The following NTN4 variants were observed in gnomAD, a reference collection of about 807,000 sequenced individuals.
The protein encoded by NTN4 is netrin-4.
In NTN4, 32 loss-of-function variants were observed where a neutral mutation model predicts 73.6. The ratio of observed to expected loss-of-function variants is 0.44; its 90% CI spans 0.33 to 0.58. NTN4 has a LOEUF of 0.58. Among genes scored for constraint, NTN4 ranks in the 20% least tolerant of loss-of-function variants. The pLI, the probability that NTN4 is intolerant of heterozygous loss-of-function variation, is 0.04. For synonymous variants in NTN4, 258 were observed against 287.5 expected (o/e 0.90, Z 1.04); for missense variants, 654 against 798.3 (o/e 0.82, Z 2.18).
intron 2 of NTN4, among the ~76,000 whole-genome samples, chr12:95,741,684 AAG>A (rs1445809160): frequency 6.7e-6 from 1 of 149,202 alleles, no homozygotes; most frequent in Non-Finnish European, 1.5e-5. Context: ...ATAGCACAGT[AAG>A]AGATTAACAA....
At position 95,754,799 on chromosome 12, in the gene NTN4, G is replaced by A. The variant is rs370044467; in HGVS notation, c.586-16655C>T. 9.1e-4 allele frequency among the ~76,000 whole-genome samples: 138 copies of A among 151,846 alleles called. No homozygotes were observed. In the South Asian group the frequency reaches 0.013, roughly 15 times the overall value. ...ATCTCCCTTCACTGACTCTCTTTTCGGACTCAGCCCGCCTGCACCCAGGTG... is the reference window on the plus strand; with the variant it reads ...ATCTCCCTTCACTGACTCTCTTTTCAGACTCAGCCCGCCTGCACCCAGGTG... On this transcript the variant is annotated intron_variant, in intron 2 of 9. Coordinates refer to ENST00000343702, the MANE Select transcript of NTN4 (RefSeq NM_021229.4).
intron 2 of NTN4, among the ~76,000 whole-genome samples, chr12:95,751,140 G>A (rs1032908017): frequency 1.1e-4 from 16 of 151,944 alleles, no homozygotes; most frequent in Non-Finnish European, 2.1e-4. Flanking sequence ...ATCTGCTCCC[G>A]ACATTAAATA....
rs555150387 is a variant in NTN4 at position 95,685,042 on chromosome 12, G to C, written c.1181-1331C>G. ...ACGCCACTACGCCCAGCTAATTTTT[G>C]TATTTTTTATAGAGATGGGGTTTCA... is the stretch of plus-strand genomic sequence containing the variant. On this transcript the variant is annotated intron_variant, in intron 5 of 9. Coordinates refer to ENST00000343702, the MANE Select transcript of NTN4 (RefSeq NM_021229.4). 4.6e-4 allele frequency among the ~76,000 whole-genome samples: 70 copies of C among 152,094 alleles called. 1 individual carries two copies. The highest frequency in any genetic ancestry group is 7.8e-4 in the Non-Finnish European group (53 of 67,964).
At chr12:95,729,624 AGAGAGAGAGTGTGT>A (rs1379739665) in intron 3 of NTN4, among the ~76,000 whole-genome samples, 2 of 117,934 alleles carry the variant, frequency 1.7e-5, no homozygotes, top group African/African-American at 3.7e-5. Flanking sequence ...AGAGAGAGAG[AGAGAGAGAGTGTGT>A]GTGTGTGTGT....
intron 2 of NTN4, among the ~76,000 whole-genome samples, chr12:95,770,869 A>G (rs1319337133): frequency 6.6e-6 from 1 of 152,188 alleles, no homozygotes; most frequent in Non-Finnish European, 1.5e-5. Flanking sequence ...GCCTGGGAAG[A>G]CTTCTGCTCC....
chr12:95,789,488 A>G lies in NTN4; in HGVS notation c.55+767T>C, dbSNP rs1478340457. The stretch of plus-strand genomic sequence containing the variant: ...AGAGGAGCAGAAGGGGCTCCCGAAT[A>G]CAGAAACCACGAGCCAGGAGCCGGT... On this transcript the variant is annotated intron_variant, in intron 1 of 9. Transcript: ENST00000343702. This position sits in a 1 kb window ranked among gnomAD's most constrained non-coding sequence, Gnocchi z 4.0. 1.3e-5 allele frequency among the ~76,000 whole-genome samples: 2 copies of G among 152,146 alleles called. No individual in the cohort carries two copies.
rs1485636802 is a variant in NTN4 at position 95,724,013 on chromosome 12, G to T, written c.865-10675C>A. 3.3e-5 allele frequency among the ~76,000 whole-genome samples: 5 copies of T among 151,428 alleles called. No individual in the cohort carries two copies. The East Asian group carries it at 9.7e-4, about 29-fold the overall frequency. ...CACTACCATTTCTTACCCTTCACAT[G>T]TTACCTAGAGTTTTTTTTTTAAATC... On this transcript the variant is annotated intron_variant, in intron 3 of 9. Transcript: ENST00000343702.
chr12:95,682,247 T>G (rs2078323111), intron 7 of NTN4, among the ~76,000 whole-genome samples: 2 of 151,696 alleles, frequency 1.3e-5, no homozygotes, highest in Non-Finnish European at 2.9e-5. Context: ...TAGAGATAAC[T>G]CTTGCTATGT....
intron 2 of NTN4, among the ~76,000 whole-genome samples, chr12:95,759,051 G>A (rs1053999957): frequency 1.3e-5 from 2 of 152,178 alleles, no homozygotes; most frequent in African/African-American, 4.8e-5. Context: ...GTTGAACTAA[G>A]TGTTGAGGTT....
chr12:95,701,702 G>A (rs1243313886), intron 5 of NTN4, among the ~76,000 whole-genome samples: 1 of 152,136 alleles, frequency 6.6e-6, no homozygotes, highest in Non-Finnish European at 1.5e-5. Flanking sequence ...AAGTAAAAAT[G>A]TACACATAAA....
chr12:95,770,236 A>T (rs11108252), intron 2 of NTN4, among the ~76,000 whole-genome samples: 65,436 of 151,952 alleles, frequency 0.43, 14,474 homozygotes, highest in Non-Finnish European at 0.48. Flanking sequence ...ATGTAGGGGC[A>T]GCCAATCACC....
intron 9 of NTN4, among the ~76,000 whole-genome samples, chr12:95,662,234 T>C (rs1330288043): frequency 2.3e-5 from 1 of 42,816 alleles, no homozygotes; most frequent in Non-Finnish European, 4.1e-5. Context: ...CCTTTTTCTT[T>C]CTTTTTTTTT....
chr12:95,731,097 T>G (rs1592690922), intron 3 of NTN4, among the ~76,000 whole-genome samples: 1 of 152,248 alleles, frequency 6.6e-6, no homozygotes, highest in East Asian at 1.9e-4. Context: ...TTTCTCTTTT[T>G]CTTCCCTTTG....
intron 3 of NTN4, among the ~76,000 whole-genome samples, chr12:95,721,431 T>C (rs377267204): frequency 6.6e-6 from 1 of 152,234 alleles, no homozygotes. Flanking sequence ...ACTGGTTCTA[T>C]GTAAAACCTT....
At chr12:95,754,705 C>A (rs1399281874) in intron 2 of NTN4, among the ~76,000 whole-genome samples, 6 of 152,110 alleles carry the variant, frequency 3.9e-5, no homozygotes, top group Admixed American at 2.0e-4. Flanking sequence ...CCCCTGCCCA[C>A]CAGAGAACAA....
intron 3 of NTN4, among the ~76,000 whole-genome samples, chr12:95,736,622 A>G (rs1240764121): frequency 6.6e-6 from 1 of 152,210 alleles, no homozygotes; most frequent in Non-Finnish European, 1.5e-5. Context: ...ACACTAAATC[A>G]TAGCACCCTT....
rs1222779866 is a variant in NTN4 at position 95,709,520 on chromosome 12, TTCTC to T, written c.1180+917_1180+920del. Among the ~76,000 whole-genome samples, 355 of 148,512 alleles carry T rather than the reference TTCTC, an allele frequency of 2.4e-3. 2 individuals are homozygous for T. Among genetic ancestry groups the T allele is most frequent in the African/African-American group, 6.7e-3 (271 of 40,410 alleles). ...TTTTCTTTTCTTTCCTTTCCTTCCT[TTCTC>T]TCTCTCTCTCTCTCTCTTTTTTTTT... On this transcript the variant is annotated intron_variant, in intron 5 of 9. Transcript: ENST00000343702.
At chr12:95,714,805 G>C (rs2078593531) in intron 3 of NTN4, among the ~76,000 whole-genome samples, 1 of 152,132 alleles carries the variant, frequency 6.6e-6, no homozygotes, top group Non-Finnish European at 1.5e-5. Context: ...CAAGGTGTAA[G>C]GAGAATCTGT....
intron 2 of NTN4, among the ~76,000 whole-genome samples, chr12:95,776,399 G>C (rs2079092855): frequency 6.6e-6 from 1 of 152,166 alleles, no homozygotes; most frequent in South Asian, 2.1e-4. Context: ...TCGCAAAGAA[G>C]TTAAAAACCT....
Sources: gnomAD v4.1 joint callset for allele counts (sites outside exome capture counted in the v4.1 genomes callset) on GRCh38, gnomAD v4.1.1 for gene constraint, Gnocchi (gnomAD v3.1) non-coding constraint, MANE v1.5 for transcripts, NCBI Gene and HGNC (gene_info 2026-07-23, HGNC 2026-07-21) for gene names.